BMPR1B: variants seen among roughly 807,000 people sequenced by gnomAD.
BMPR1B encodes the protein bone morphogenetic protein receptor type 1B.
In BMPR1B, 12 loss-of-function variants were observed where a neutral mutation model predicts 59.1. The ratio of observed to expected loss-of-function variants is 0.20; its 90% CI spans 0.13 to 0.33. The LOEUF is 0.33. BMPR1B is among the 10% of genes least tolerant of loss of function. BMPR1B has a pLI of 1.00. For missense variants in BMPR1B, 550 were observed against 610.9 expected (o/e 0.90, Z 1.05); for synonymous variants, 237 against 207.3 (o/e 1.14, Z -1.23).
chr4:94,856,166 A>G (rs1725747950), intron 1 of BMPR1B, among the ~76,000 whole-genome samples: 1 of 152,340 alleles, frequency 6.6e-6, no homozygotes, highest in East Asian at 1.9e-4. Context: ...TAAGAAATGT[A>G]GAGGTAGTTT....
intron 1 of BMPR1B, among the ~76,000 whole-genome samples, chr4:94,808,907 T>C (rs1366349960): frequency 6.6e-6 from 1 of 152,008 alleles, no homozygotes; most frequent in Non-Finnish European, 1.5e-5. Flanking sequence ...ATACAAAAAT[T>C]AGCCGGGTGT....
chr4:95,047,222 C>T (rs183637852), intron 3 of BMPR1B, among the ~76,000 whole-genome samples: 4 of 152,280 alleles, frequency 2.6e-5, no homozygotes, highest in Admixed American at 2.6e-4. Context: ...CAACCAAGCT[C>T]CAAACTTTAT....
intron 1 of BMPR1B, among the ~76,000 whole-genome samples, chr4:94,798,359 C>T (rs1723274082): frequency 3.3e-5 from 5 of 152,190 alleles, no homozygotes; most frequent in Admixed American, 3.3e-4. Context: ...CTACCACTCC[C>T]AGTATTAAAT....
intron 11 of BMPR1B, among the ~76,000 whole-genome samples, chr4:95,149,221 C>G (rs1734859557): frequency 6.6e-6 from 1 of 152,144 alleles, no homozygotes; most frequent in Non-Finnish European, 1.5e-5. Context: ...CTTCCTCCAG[C>G]AGTTGCTCGA....
At chr4:95,136,880 T>C (rs541616733) in intron 10 of BMPR1B, among the ~76,000 whole-genome samples, 1 of 152,362 alleles carries the variant, frequency 6.6e-6, no homozygotes, top group East Asian at 1.9e-4. Context: ...TTCATTGATT[T>C]TTTGAAGGGT....
At chr4:94,771,153 C>T (rs1449897131) in intron 1 of BMPR1B, among the ~76,000 whole-genome samples, 1 of 152,066 alleles carries the variant, frequency 6.6e-6, no homozygotes, top group Non-Finnish European at 1.5e-5. Flanking sequence ...ATACAAACCC[C>T]GAGAGGCTAC....
intron 10 of BMPR1B, 138 bp downstream of exon 10, chr4:95,131,650 A>G (rs1733369354): frequency 5.0e-6 from 5 of 1,001,380 alleles, no homozygotes; most frequent in Non-Finnish European, 7.4e-6. Context: ...ACCACCAAAC[A>G]TTTTATTAGC....
At chr4:95,087,867 AT>A (rs1318988338) in intron 3 of BMPR1B, among the ~76,000 whole-genome samples, 3 of 152,230 alleles carry the variant, frequency 2.0e-5, no homozygotes, top group African/African-American at 7.2e-5. Flanking sequence ...CCTTGATAGC[AT>A]ACATTGGCTC....
At chr4:94,758,840 C>T (rs1721640808) in intron 1 of BMPR1B, among the ~76,000 whole-genome samples, 1 of 152,100 alleles carries the variant, frequency 6.6e-6, no homozygotes, top group African/African-American at 2.4e-5. Flanking sequence ...TCTCCCTCTC[C>T]CCACCGCCTG....
intron 8 of BMPR1B, among the ~76,000 whole-genome samples, chr4:95,129,214 G>T (rs1188255420): frequency 6.6e-6 from 1 of 152,142 alleles, no homozygotes; most frequent in Non-Finnish European, 1.5e-5. Flanking sequence ...AGCAAATTTA[G>T]TACCATTTGA....
intron 3 of BMPR1B, among the ~76,000 whole-genome samples, chr4:95,066,009 GC>G (rs1727774272): frequency 6.6e-6 from 1 of 152,118 alleles, no homozygotes; most frequent in African/African-American, 2.4e-5. Flanking sequence ...CTGCAATCCT[GC>G]TTGCTTAAGG....
chr4:95,099,711 C>T (rs1037060425), intron 3 of BMPR1B, among the ~76,000 whole-genome samples: 3 of 152,098 alleles, frequency 2.0e-5, no homozygotes, highest in East Asian at 1.9e-4. Flanking sequence ...CTCCTTTCCG[C>T]GTAGCAACTA....
chr4:95,103,348 A>T, intron 3 of BMPR1B: 1 of 717,558 alleles, frequency 1.4e-6, no homozygotes, highest in Non-Finnish European at 1.7e-6. Context: ...CTAAAATTTC[A>T]ATTTTTTAAC....
intron 2 of BMPR1B, among the ~76,000 whole-genome samples, chr4:94,924,262 T>G (rs1222855500): frequency 1.3e-5 from 2 of 152,184 alleles, no homozygotes; most frequent in Non-Finnish European, 2.9e-5. Flanking sequence ...TATAATTATT[T>G]CCTTGCCCTT....
intron 1 of BMPR1B, among the ~76,000 whole-genome samples, chr4:94,864,098 A>G (rs1202628838): frequency 6.6e-6 from 1 of 152,214 alleles, no homozygotes; most frequent in Non-Finnish European, 1.5e-5. Context: ...AGAAAACAAA[A>G]AGTGGTCTAT....
chr4:94,808,005 A>G (rs998633895), intron 1 of BMPR1B, among the ~76,000 whole-genome samples: 1 of 152,182 alleles, frequency 6.6e-6, no homozygotes, highest in African/African-American at 2.4e-5. Flanking sequence ...CATTTAAAAT[A>G]ATAATGAAAA....
At chr4:94,874,908 G>A (rs1578748540) in intron 1 of BMPR1B, among the ~76,000 whole-genome samples, 4 of 152,252 alleles carry the variant, frequency 2.6e-5, no homozygotes, top group South Asian at 2.1e-4. Context: ...CAGGAGAATG[G>A]CGTGAACCCG....
At chr4:94,878,683 A>AAGCTC (rs1726835212) in intron 2 of BMPR1B, among the ~76,000 whole-genome samples, 1 of 151,238 alleles carries the variant, frequency 6.6e-6, no homozygotes, top group African/African-American at 2.4e-5. Flanking sequence ...CCTAGTGCAG[A>AAGCTC]AGCTCAGTCC....
At position 95,125,036 on chromosome 4, in the gene BMPR1B, A is replaced by T; in HGVS notation, c.500A>T (p.Glu167Val). The change falls in exon 8 of 13, where the codon GAA becomes GTA. Residue 167 changes from glutamate (E) to valine (V), a missense_variant. Physicochemically the swap from Glu to Val is moderately radical, Grantham distance 121 (BLOSUM62 -2). Around this residue, in one of 6 missense-constraint regions of BMPR1B, gnomAD observed 318 missense variants for 284.6 expected, o/e 1.12. Coordinates refer to ENST00000515059, the MANE Select transcript of BMPR1B (RefSeq NM_001203.3). ...TACAGCATTGGGTTAGAACAGGATG[A>T]AACTTACATTCCTCCTGGAGAATCC... ...PRYSIGLEQD[E>V]TYIPPGESLR... 6.2e-7 allele frequency: 1 copy of T among 1,613,780 alleles called. No individual in the cohort carries two copies. Among genetic ancestry groups the T allele is most frequent in the South Asian group, 1.1e-5 (1 of 91,070 alleles).
Sources: allele counts gnomAD v4.1 joint callset (sites outside exome capture counted in the v4.1 genomes callset), GRCh38; gene constraint gnomAD v4.1.1; regional missense constraint gnomAD v4.1.1; transcripts MANE v1.5; gene names NCBI Gene and HGNC (gene_info 2026-07-23, HGNC 2026-07-21).